The following TDRD5 variants were observed in gnomAD, a reference collection of about 807,000 sequenced individuals.
The protein encoded by TDRD5 is tudor domain-containing protein 5.
TDRD5 carries 41 observed loss-of-function variants against 120.6 expected under a neutral mutation model. That is an observed-to-expected ratio of 0.34 (90% CI 0.26 to 0.44). The LOEUF (loss-of-function observed/expected upper bound fraction) is 0.44, where lower values mean the gene tolerates loss of function less well. TDRD5 is among the 20% of genes least tolerant of loss of function. The pLI, the probability that TDRD5 is intolerant of heterozygous loss-of-function variation, is 1.00. For missense variants in TDRD5, 1,006 were observed against 1,221.2 expected (o/e 0.82, Z 2.63); for synonymous variants, 430 against 433.7 (o/e 0.99, Z 0.11).
intron 4 of TDRD5, among the ~76,000 whole-genome samples, chr1:179,600,345 T>C (rs1271261306): frequency 6.6e-6 from 1 of 152,214 alleles, no homozygotes; most frequent in Non-Finnish European, 1.5e-5. Flanking sequence ...CTCTTGTGTT[T>C]AGATACACAA....
rs780375058 is a variant in TDRD5, at chr1:179,654,190, A to G, written c.2161-11A>G. On this transcript the variant is annotated splice_polypyrimidine_tract_variant and intron_variant, in intron 13 of 17. Transcript: ENST00000444136. The stretch of plus-strand genomic sequence containing the variant: ...ATTTAAAATAAAGGAATTCTCTTTC[A>G]TATCTACTAGCAAGATATTAATGAT... 12 of 1,505,092 alleles carry G rather than the reference A, an allele frequency of 8.0e-6. No individual in the cohort carries two copies. The Admixed American group carries it at 1.1e-4, about 14-fold the overall frequency. The allele number at this position is 1,505,092 out of a possible 1,614,324, so 93.2% of individuals were successfully genotyped here.
intron 4 of TDRD5, among the ~76,000 whole-genome samples, chr1:179,613,800 G>C (rs7349140): frequency 0.24 from 36,569 of 152,004 alleles, 4,817 homozygotes; most frequent in East Asian, 0.34. Flanking sequence ...TTTCAACTTA[G>C]GGATTTGGGG....
Position 179,621,017 on chromosome 1 carries a change from T to C in TDRD5, c.916-18T>C, listed in dbSNP as rs749784818. ...CATTTCAGTGTGTCTATATTGTATT[T>C]CACTTTCTATTTGTTAGGTTGTATC... On this transcript the variant is annotated intron_variant, in intron 5 of 17. Transcript: ENST00000444136. 52 of 1,585,484 alleles carry C rather than the reference T, an allele frequency of 3.3e-5. No homozygotes were observed. The highest frequency in any genetic ancestry group is 4.4e-5 in the Non-Finnish European group (51 of 1,166,926).
Position 179,591,839 on chromosome 1 carries a change from C to G in TDRD5, c.-301C>G, listed in dbSNP as rs952473654. ...CAGGGGGCGCTGGTGCGCAGGCGCG[C>G]GGGGCCGCCGTCGCAGCTACCTTCC... On this transcript the variant is annotated 5_prime_UTR_variant, in exon 1 of 18. Coordinates refer to ENST00000444136, the MANE Select transcript of TDRD5 (RefSeq NM_001199085.3). 15 of 152,380 alleles carry G rather than the reference C, an allele frequency of 9.8e-5. No individual in the cohort carries two copies. Among genetic ancestry groups the G allele is most frequent in the African/African-American group, 3.6e-4 (15 of 41,464 alleles). 9.4% of individuals were successfully genotyped at this position (152,380 alleles called of 1,614,324 possible). A position where few individuals can be genotyped will look rare whatever the true frequency, so the allele number is the denominator to read the frequency against.
intron 12 of TDRD5, among the ~76,000 whole-genome samples, chr1:179,651,652 G>T (rs1049624430): frequency 1.3e-5 from 2 of 152,158 alleles, no homozygotes; most frequent in Non-Finnish European, 2.9e-5. Context: ...GGTGGCTCAC[G>T]CCTGTAATCC....
chr1:179,651,166 T>C, intron 12 of TDRD5, 99 bp downstream of exon 12: 2 of 1,312,446 alleles, frequency 1.5e-6, no homozygotes, highest in Non-Finnish European at 2.1e-6. Flanking sequence ...GTTTATTCTT[T>C]AACCAATTAG....
At chr1:179,667,312 A>T (rs1679609602) in intron 16 of TDRD5, among the ~76,000 whole-genome samples, 1 of 152,248 alleles carries the variant, frequency 6.6e-6, no homozygotes, top group African/African-American at 2.4e-5. Flanking sequence ...ATGTGTCAAC[A>T]GTGCATCTTT....
Position 179,639,825 on chromosome 1 carries a change from A to T in TDRD5, c.1521-14A>T. The stretch of plus-strand genomic sequence containing the variant: ...CTTCCCCTATGGATTTCTCTGTATT[A>T]TGGAATTCCACAGGCGCTGTTATTC... On this transcript the variant is annotated splice_polypyrimidine_tract_variant and intron_variant, in intron 9 of 17. Transcript: ENST00000444136. 1 of 1,613,080 alleles carries T rather than the reference A, an allele frequency of 6.2e-7. No individual in the cohort carries two copies. Among genetic ancestry groups the T allele is most frequent in the Non-Finnish European group, 8.5e-7 (1 of 1,179,504 alleles).
intron 11 of TDRD5, among the ~76,000 whole-genome samples, chr1:179,650,336 G>A (rs1043975374): frequency 1.5e-4 from 23 of 149,972 alleles, no homozygotes; most frequent in African/African-American, 4.7e-4. Flanking sequence ...GAGAGGTGGA[G>A]GTCACAGTGA....
chr1:179,647,594 G>A lies in TDRD5; in HGVS notation c.1801-3273G>A, dbSNP rs1470569107. Among the ~76,000 whole-genome samples, 4 of 151,924 alleles carry A rather than the reference G, an allele frequency of 2.6e-5. No homozygotes were observed. In the East Asian group the frequency reaches 7.7e-4, roughly 29 times the overall value. ...AGCAATGGCAACAAAAGCCAAAATT[G>A]ACAAATGGGATCTAATTAAAGAGCT... On this transcript the variant is annotated intron_variant, in intron 11 of 17. Transcript: ENST00000444136.
chr1:179,670,853 T>C (rs572693778), intron 17 of TDRD5, among the ~76,000 whole-genome samples: 1 of 152,352 alleles, frequency 6.6e-6, no homozygotes, highest in South Asian at 2.1e-4. Flanking sequence ...TTTAGTATCT[T>C]TGGAAGAGCA....
intron 11 of TDRD5, among the ~76,000 whole-genome samples, chr1:179,644,424 C>T (rs529941026): frequency 1.3e-5 from 2 of 152,170 alleles, no homozygotes; most frequent in East Asian, 1.9e-4. Flanking sequence ...ATAAAGGCTA[C>T]AAATCATGAA....
chr1:179,637,735 G>A (rs1217391029), intron 9 of TDRD5, among the ~76,000 whole-genome samples: 1 of 150,966 alleles, frequency 6.6e-6, no homozygotes, highest in African/African-American at 2.4e-5. Flanking sequence ...AAAAAATACT[G>A]TAACTACTGT....
chr1:179,686,484 G>A (rs553174657), intron 17 of TDRD5, among the ~76,000 whole-genome samples: 35 of 152,326 alleles, frequency 2.3e-4, no homozygotes, highest in Admixed American at 7.8e-4. Context: ...GTTCATCAGG[G>A]ATATTGGTCT....
At chr1:179,660,997 C>T (rs527840382) in intron 14 of TDRD5, among the ~76,000 whole-genome samples, 2 of 152,276 alleles carry the variant, frequency 1.3e-5, no homozygotes, top group Admixed American at 1.3e-4. Flanking sequence ...TTAACAGTTT[C>T]ATTCTTCTCC....
At chr1:179,683,793 T>C (rs907955064) in intron 17 of TDRD5, among the ~76,000 whole-genome samples, 4 of 151,116 alleles carry the variant, frequency 2.6e-5, no homozygotes, top group Non-Finnish European at 5.9e-5. Flanking sequence ...CTGAACACGT[T>C]GCTTAGCTCA....
chr1:179,622,184 A>G (rs1250022920), intron 6 of TDRD5, among the ~76,000 whole-genome samples: 2 of 152,224 alleles, frequency 1.3e-5, no homozygotes, highest in Non-Finnish European at 2.9e-5. Flanking sequence ...TTAACTGCAC[A>G]TGCTTGGGGC....
At chr1:179,683,921 G>T (rs536835163) in intron 17 of TDRD5, among the ~76,000 whole-genome samples, 2 of 152,114 alleles carry the variant, frequency 1.3e-5, no homozygotes, top group Admixed American at 1.3e-4. Context: ...GACCAGCTAC[G>T]AGTACACATC....
At chr1:179,690,618 T>C (rs1681093655) in intron 17 of TDRD5, 78 bp from the exon 18 acceptor site, 7 of 1,535,800 alleles carry the variant, frequency 4.6e-6, no homozygotes, top group Middle Eastern at 1.8e-4. Context: ...CATATTAGTA[T>C]AGAACTAGAA....
Sources: gnomAD v4.1 joint callset for allele counts (sites outside exome capture counted in the v4.1 genomes callset) on GRCh38, gnomAD v4.1.1 for gene constraint, MANE v1.5 for transcripts, NCBI Gene and HGNC (gene_info 2026-07-23, HGNC 2026-07-21) for gene names.